Variants in S100PBP observed in about 807,000 individuals in gnomAD.
S100PBP encodes S100P-binding protein.
In S100PBP, 15 loss-of-function variants were observed where a neutral mutation model predicts 39.9. The ratio of observed to expected loss-of-function variants is 0.38; its 90% CI spans 0.25 to 0.58. The LOEUF is 0.58. Among genes scored for constraint, S100PBP ranks in the 20% least tolerant of loss-of-function variants. The pLI is 0.70. For missense variants in S100PBP, 504 were observed against 487.3 expected, an observed-to-expected ratio of 1.03 and a Z score of -0.32; for synonymous variants, 178 against 180.3, an observed-to-expected ratio of 0.99 and a Z score of 0.10.
At chr1:32,833,551 A>G (rs1162809939) in intron 5 of S100PBP, among the ~76,000 whole-genome samples, 1 of 151,852 alleles carries the variant, frequency 6.6e-6, no homozygotes, top group Non-Finnish European at 1.5e-5. Flanking sequence ...TAGTAGAGAC[A>G]CGGTTTCACC....
In S100PBP at chr1:32,827,783, G is replaced by GGTTTTTTTTT. The variant is rs1281476870; in HGVS notation, c.832-210_832-209insGTTTTTTTTT. ...GGCATGAGCCACTACACCTGGCCAG[G>GGTTTTTTTTT]TTTTTTTTTTTTTTTTTTTTTTTTA... On this transcript the variant is annotated intron_variant, in intron 3 of 6. Transcript: ENST00000373475. Among the ~76,000 whole-genome samples the GGTTTTTTTTT allele has an allele frequency of 4.6e-5, 6 of 130,424 alleles. 1 individual carries two copies. Among genetic ancestry groups the GGTTTTTTTTT allele is most frequent in the African/African-American group, 8.6e-5 (3 of 34,918 alleles). 85.6% of individuals were successfully genotyped at this position (130,424 alleles called of 152,430 possible).
chr1:32,827,144 A>C (rs2148645786), intron 3 of S100PBP, among the ~76,000 whole-genome samples: 1 of 152,330 alleles, frequency 6.6e-6, no homozygotes, highest in South Asian at 2.1e-4. Context: ...ACCCTGGGCT[A>C]ATTATTTAGC....
intron 4 of S100PBP, among the ~76,000 whole-genome samples, chr1:32,828,838 T>G (rs892796524): frequency 6.6e-6 from 1 of 151,902 alleles, no homozygotes; most frequent in Admixed American, 6.6e-5. Context: ...CCACCTCTAC[T>G]AAAAATACAA....
chr1:32,846,004 T>C (rs913430343), intron 5 of S100PBP, among the ~76,000 whole-genome samples: 1 of 151,524 alleles, frequency 6.6e-6, no homozygotes, highest in Non-Finnish European at 1.5e-5. Context: ...TTTTATTTTT[T>C]TTTGAGATGG....
intron 5 of S100PBP, chr1:32,847,501 C>T (rs185473206): frequency 8.5e-5 from 13 of 152,236 alleles, no homozygotes; most frequent in Non-Finnish European, 1.9e-4. Context: ...GTGGAAATAT[C>T]TGCTTTGATT....
chr1:32,855,684 A>G (rs1640789848), intron 6 of S100PBP, among the ~76,000 whole-genome samples: 1 of 152,178 alleles, frequency 6.6e-6, no homozygotes, highest in South Asian at 2.1e-4. Flanking sequence ...ACATATCACC[A>G]TAATACCTAT....
At chr1:32,839,099 C>T (rs545149733) in intron 5 of S100PBP, among the ~76,000 whole-genome samples, 1 of 152,304 alleles carries the variant, frequency 6.6e-6, no homozygotes, top group East Asian at 1.9e-4. Context: ...CACTACAAAT[C>T]CATAGCTCTA....
chr1:32,834,210 T>G (rs1178771169), intron 5 of S100PBP: 3 of 169,138 alleles, frequency 1.8e-5, no homozygotes, highest in African/African-American at 7.2e-5. Flanking sequence ...GTTTTTTGTT[T>G]ATTGATAATT....
chr1:32,819,751 C>G (rs943564942), intron 1 of S100PBP, among the ~76,000 whole-genome samples: 1 of 152,076 alleles, frequency 6.6e-6, no homozygotes, highest in Non-Finnish European at 1.5e-5. Flanking sequence ...GAGGATTTCC[C>G]CCCTTGCACA....
chr1:32,819,410 A>T (rs1170568886), intron 1 of S100PBP, among the ~76,000 whole-genome samples: 2 of 152,244 alleles, frequency 1.3e-5, no homozygotes, highest in East Asian at 3.9e-4. Context: ...TCTACTGTAA[A>T]TACAAAAATT....
intron 5 of S100PBP, among the ~76,000 whole-genome samples, chr1:32,833,710 G>GA (rs565264562): frequency 1.3e-5 from 2 of 151,672 alleles, no homozygotes; most frequent in African/African-American, 2.4e-5. Context: ...CTCCTACAAA[G>GA]AAAAAAACTT....
Position 32,856,169 on chromosome 1 carries a change from C to T in S100PBP, c.*131C>T. ...TTTCACAAAATTTTTATTTAAAAAACTCGTCACCTTTTGGAAATGCCCATT... is the reference window on the plus strand; with the variant it reads ...TTTCACAAAATTTTTATTTAAAAAATTCGTCACCTTTTGGAAATGCCCATT... On this transcript the variant is annotated 3_prime_UTR_variant, in exon 7 of 7. Transcript: ENST00000373475. The T allele has an allele frequency of 1.7e-6, 1 of 574,148 alleles. No individual in the cohort carries two copies. The allele number at this position is 574,148 out of a possible 1,614,324, so 35.6% of individuals were successfully genotyped here. A position where few individuals can be genotyped will look rare whatever the true frequency, so the allele number is the denominator to read the frequency against.
At chr1:32,830,680 G>A (rs1243380541) in intron 5 of S100PBP, among the ~76,000 whole-genome samples, 1 of 152,174 alleles carries the variant, frequency 6.6e-6, no homozygotes, top group African/African-American at 2.4e-5. Flanking sequence ...TCCTAAAGGG[G>A]AGACTTACGG....
chr1:32,828,942 C>T (rs1639465462), intron 4 of S100PBP, among the ~76,000 whole-genome samples: 1 of 152,116 alleles, frequency 6.6e-6, no homozygotes, highest in Non-Finnish European at 1.5e-5. Context: ...ACAGAGGTTG[C>T]ACTGAGCCGA....
At chr1:32,841,096 G>A (rs949029332) in intron 5 of S100PBP, among the ~76,000 whole-genome samples, 3 of 151,472 alleles carry the variant, frequency 2.0e-5, no homozygotes, top group Non-Finnish European at 2.9e-5. Context: ...GGGAGACGGA[G>A]CTTGCAGTGA....
chr1:32,848,751 A>G (rs1188093649), intron 5 of S100PBP, among the ~76,000 whole-genome samples: 1 of 152,240 alleles, frequency 6.6e-6, no homozygotes, highest in Non-Finnish European at 1.5e-5. Context: ...AAGAACAGTT[A>G]TTAAACTGGA....
Position 32,828,031 on chromosome 1 carries a change from C to T in S100PBP, c.870C>T (p.Gly290=). ...ACAAGGATTCTGGGAAGATGAAAGG[C>T]CATGAGAGAAGACTAGGCAAAGTCA... ...VLNKDSGKMK[G]HERRLGKVIP... The change falls in exon 4 of 7, where the codon GGC becomes GGT. Residue 290 remains glycine, a synonymous_variant. Coordinates refer to ENST00000373475, the MANE Select transcript of S100PBP (RefSeq NM_022753.4). The T allele has an allele frequency of 6.2e-7, 1 of 1,611,626 alleles. No individual in the cohort carries two copies. Among genetic ancestry groups the T allele is most frequent in the Non-Finnish European group, 8.5e-7 (1 of 1,178,210 alleles).
chr1:32,823,697 C>CT (rs1396371671), intron 1 of S100PBP, among the ~76,000 whole-genome samples: 1 of 152,126 alleles, frequency 6.6e-6, no homozygotes, highest in Non-Finnish European at 1.5e-5. Flanking sequence ...TTCTCTAGTA[C>CT]TTTATTGTCC....
upstream of S100PBP, chr1:32,817,462 A>G (rs941558136): frequency 1.6e-6 from 1 of 627,890 alleles, no homozygotes; most frequent in Non-Finnish European, 2.8e-6. Flanking sequence ...GAAAAGGTGG[A>G]GCCAGTGGGC....
Sources: gnomAD v4.1 joint callset for allele counts (sites outside exome capture counted in the v4.1 genomes callset) on GRCh38, gnomAD v4.1.1 for gene constraint, MANE v1.5 for transcripts, NCBI Gene and HGNC (gene_info 2026-07-23, HGNC 2026-07-21) for gene names.